RTN4: variants seen among roughly 807,000 people sequenced by gnomAD.
The protein encoded by RTN4 is reticulon 4, also known as reticulon-4.
In RTN4, 32 loss-of-function variants were observed where a neutral mutation model predicts 90.4. That is an observed-to-expected ratio of 0.35 (90% confidence interval 0.27 to 0.48). The LOEUF (loss-of-function observed/expected upper bound fraction) is 0.48. Ranked by LOEUF, RTN4 falls within the 20% of genes least tolerant of loss-of-function variation. RTN4 has a pLI of 0.99. For missense variants in RTN4, 1,706 were observed against 1,430.2 expected (o/e 1.19, Z -3.11); for synonymous variants, 629 against 552.5 (o/e 1.14, Z -1.94).
intron 1 of RTN4, 192 bp downstream of exon 1, chr2:55,049,553 C>T (rs1325463787): frequency 2.2e-6 from 2 of 909,012 alleles, no homozygotes; most frequent in East Asian, 2.7e-5. Flanking sequence ...ACAATAAGAA[C>T]AAACCCGGGC....
At chr2:54,973,346 T>G in intron 8 of RTN4, 148 bp from the exon 9 acceptor site, 1 of 851,152 alleles carries the variant, frequency 1.2e-6, no homozygotes, top group Non-Finnish European at 1.8e-6. Context: ...TTTGCCACCT[T>G]GGCCTCATGA....
At chr2:55,030,591 G>A (rs1439403902) in intron 1 of RTN4, among the ~76,000 whole-genome samples, 1 of 152,040 alleles carries the variant, frequency 6.6e-6, no homozygotes, top group South Asian at 2.1e-4. Context: ...GATAATAAGA[G>A]TACCCACCTA....
chr2:55,025,631 C>T lies in RTN4; in HGVS notation c.2468G>A (p.Ser823Asn). Residue 823 changes from serine (S) to asparagine (N), a missense_variant, in exon 3 of 9, where the codon AGC becomes AAC. Ser to Asn is a conservative substitution (Grantham distance 46, BLOSUM62 1). Transcript: ENST00000337526. ...CTGCAAAGGAATTTTCTCCTTTTTG[C>T]TCAATGTTGAAACTTCATCAGGTAA... The part of the protein sequence containing the change: ...TLLPDEVSTL[S>N]KKEKIPLQME... The T allele has an allele frequency of 1.9e-6, 3 of 1,613,528 alleles. No homozygotes were observed. The highest frequency in any genetic ancestry group is 2.5e-6 in the Non-Finnish European group (3 of 1,179,750).
chr2:54,978,928 T>C (rs1677890156), intron 5 of RTN4, among the ~76,000 whole-genome samples: 1 of 152,156 alleles, frequency 6.6e-6, no homozygotes, highest in South Asian at 2.1e-4. Context: ...AGAATGGGAA[T>C]TGGAAAAACA....
At chr2:55,133,186 G>A in the RTN4 span, among the ~76,000 whole-genome samples, 1 of 152,006 alleles carries the variant, frequency 6.6e-6, no homozygotes, top group Non-Finnish European at 1.5e-5. Flanking sequence ...ACTACAACCT[G>A]GGCAGCAGAC....
chr2:55,009,703 C>T (rs973823931), intron 3 of RTN4, among the ~76,000 whole-genome samples: 5 of 152,188 alleles, frequency 3.3e-5, no homozygotes, highest in Non-Finnish European at 7.3e-5. Flanking sequence ...ATTTCAACTA[C>T]ACCAAGTAAG....
intron 1 of RTN4, among the ~76,000 whole-genome samples, chr2:55,044,674 G>A (rs2104955508): frequency 6.7e-6 from 1 of 148,258 alleles, no homozygotes; most frequent in Middle Eastern, 3.5e-3. Flanking sequence ...CAATAATATA[G>A]CACTAAAATA....
intron 4 of RTN4, among the ~76,000 whole-genome samples, chr2:54,986,984 T>C (rs1210777020): frequency 6.6e-6 from 1 of 151,994 alleles, no homozygotes; most frequent in African/African-American, 2.4e-5. Context: ...AAGATGATAG[T>C]TGAGAGACAA....
intron 1 of RTN4, among the ~76,000 whole-genome samples, chr2:55,046,321 C>A (rs1573469121): frequency 6.6e-6 from 1 of 152,088 alleles, no homozygotes; most frequent in Non-Finnish European, 1.5e-5. Flanking sequence ...TTTACCATTG[C>A]CTGTTAGAGA....
intron 3 of RTN4, among the ~76,000 whole-genome samples, chr2:55,021,313 C>A (rs1466295386): frequency 2.0e-5 from 3 of 152,070 alleles, no homozygotes; most frequent in Admixed American, 2.0e-4. Flanking sequence ...TTAACTATGT[C>A]CTCAACAGTG....
At chr2:55,078,832 G>C (rs978165823) in intron 2 of RTN4, among the ~76,000 whole-genome samples, 1 of 152,158 alleles carries the variant, frequency 6.6e-6, no homozygotes, top group Non-Finnish European at 1.5e-5. Flanking sequence ...ATATGTGGGT[G>C]TTTGTGGAGG....
chr2:54,991,207 G>A (rs1678989200), intron 3 of RTN4, among the ~76,000 whole-genome samples: 1 of 152,136 alleles, frequency 6.6e-6, no homozygotes, highest in South Asian at 2.1e-4. Flanking sequence ...AGATGTACTT[G>A]CTATTTTTTA....
chr2:54,988,295 C>T (rs915991377), intron 3 of RTN4, among the ~76,000 whole-genome samples: 2 of 152,116 alleles, frequency 1.3e-5, no homozygotes, highest in African/African-American at 2.4e-5. Flanking sequence ...CCAGAATGGG[C>T]GACAGAGCAG....
rs1677103368 is a variant in RTN4 at position 54,972,337 on chromosome 2, A to ATAT, written c.*818_*819insATA. ...GCATAACAATGTTTGATATTTGCAA[A>ATAT]CAAACAACATTTTTGGAAGCATTAG... On this transcript the variant is annotated 3_prime_UTR_variant, in exon 9 of 9. Transcript: ENST00000337526. 3.3e-5 allele frequency: 5 copies of ATAT among 152,492 alleles called. No homozygotes were observed. The highest frequency in any genetic ancestry group is 9.6e-5 in the African/African-American group (4 of 41,530). The allele number at this position is 152,492 out of a possible 1,614,324, so 9.4% of individuals were successfully genotyped here. A position where few individuals can be genotyped will look rare whatever the true frequency, so the allele number is the denominator to read the frequency against.
intron 3 of RTN4, among the ~76,000 whole-genome samples, chr2:54,990,632 A>C (rs895503472): frequency 2.0e-5 from 3 of 152,232 alleles, no homozygotes; most frequent in African/African-American, 7.2e-5. Context: ...TTAGGTTAAT[A>C]AACTATACTG....
At chr2:55,011,371 T>A (rs572503619) in intron 3 of RTN4, among the ~76,000 whole-genome samples, 1 of 152,316 alleles carries the variant, frequency 6.6e-6, no homozygotes, top group East Asian at 1.9e-4. Context: ...TGTACAGCAT[T>A]TTTAAAATCT....
chr2:54,996,294 A>G (rs937035288), intron 3 of RTN4, among the ~76,000 whole-genome samples: 1 of 152,210 alleles, frequency 6.6e-6, no homozygotes, highest in African/African-American at 2.4e-5. Flanking sequence ...TACAAACACT[A>G]TCAAAATCCC....
intron 1 of RTN4, among the ~76,000 whole-genome samples, chr2:55,043,583 TC>T (rs1185431237): frequency 6.6e-6 from 1 of 151,956 alleles, no homozygotes; most frequent in Non-Finnish European, 1.5e-5. Context: ...TAAGACCCCA[TC>T]TTTAAAAAAA....
chr2:54,985,441 T>C (rs984777180), intron 4 of RTN4, among the ~76,000 whole-genome samples: 7 of 152,140 alleles, frequency 4.6e-5, no homozygotes, highest in African/African-American at 1.4e-4. Context: ...ATTACAGGCA[T>C]GAGCCAACAC....
Sources: gnomAD v4.1 joint callset for allele counts (sites outside exome capture counted in the v4.1 genomes callset) on GRCh38, gnomAD v4.1.1 for gene constraint, MANE v1.5 for transcripts, NCBI Gene and HGNC (gene_info 2026-07-23, HGNC 2026-07-21) for gene names.